The following FAM3B variants were observed in gnomAD, a reference collection of about 807,000 sequenced individuals.
The protein encoded by FAM3B is protein FAM3B.
In FAM3B, 29 loss-of-function variants were observed where a neutral mutation model predicts 28.4. The ratio of observed to expected loss-of-function variants is 1.02; its 90% CI spans 0.76 to 1.39. FAM3B has a LOEUF of 1.39. Ranked by LOEUF, FAM3B falls within the 40% of genes most tolerant of loss-of-function variation. FAM3B has a pLI of 0.00. For missense variants in FAM3B, 266 were observed against 293.9 expected, an observed-to-expected ratio of 0.91 and a Z score of 0.69; for synonymous variants, 91 against 103.0, an observed-to-expected ratio of 0.88 and a Z score of 0.71.
chr21:41,357,111 A>C lies in FAM3B; in HGVS notation c.622A>C (p.Asn208His). 2 of 1,611,420 alleles carry C rather than the reference A, an allele frequency of 1.2e-6. No homozygotes were observed. Among genetic ancestry groups the C allele is most frequent in the South Asian group, 2.2e-5 (2 of 90,686 alleles). Residue 208 changes from asparagine to histidine, a missense_variant, in exon 8 of 8, where the codon AAC (asparagine) becomes CAC (histidine). Coordinates refer to ENST00000357985, the MANE Select transcript of FAM3B (RefSeq NM_058186.4). ...LPSEIQREKI[N>H]HSDAKNNRYS... The stretch of plus-strand genomic sequence containing the variant: ...AACTCTTCTTTTCTCTACACAGATC[A>C]ACCACTCTGATGCTAAGAACAACAG...
chr21:41,345,911 A>G (rs2089054609), intron 5 of FAM3B, 175 bp downstream of exon 5: 4 of 557,928 alleles, frequency 7.2e-6, no homozygotes, highest in South Asian at 2.0e-5. Context: ...AATTGAATTC[A>G]TAGAACATTT....
upstream of FAM3B, among the ~76,000 whole-genome samples, chr21:41,315,251 A>G (rs1473564433): frequency 6.6e-6 from 1 of 152,160 alleles, no homozygotes; most frequent in Non-Finnish European, 1.5e-5. Context: ...TCATAGAAAA[A>G]GCAGAATGGT....
intron 2 of FAM3B, among the ~76,000 whole-genome samples, chr21:41,337,302 G>T (rs1809807629): frequency 6.6e-6 from 1 of 152,166 alleles, no homozygotes; most frequent in East Asian, 1.9e-4. Context: ...CAGCACTGTG[G>T]GTTCTATGGG....
At position 41,344,352 on chromosome 21, in the gene FAM3B, G is replaced by T. The variant is rs1425958903; in HGVS notation, c.288-124G>T. ...TCTCGGGAGCTGCACCAAGGCGAAT[G>T]CAGACTTTCAAGGAAAAGGTGGGGG... On this transcript the variant is annotated intron_variant, in intron 3 of 7. Transcript: ENST00000357985. 4.8e-6 allele frequency: 4 copies of T among 838,232 alleles called. 1 individual carries two copies. In the South Asian group the frequency reaches 5.9e-5, roughly 12 times the overall value. The allele number at this position is 838,232 out of a possible 1,614,324, so 51.9% of individuals were successfully genotyped here. A position where few individuals can be genotyped will look rare whatever the true frequency, so the allele number is the denominator to read the frequency against.
intron 3 of FAM3B, among the ~76,000 whole-genome samples, chr21:41,342,125 T>C (rs2089012119): frequency 1.3e-5 from 2 of 152,264 alleles, no homozygotes; most frequent in East Asian, 1.9e-4. Context: ...TTTTGTAGGC[T>C]GTGTTAGCCA....
At chr21:41,352,716 A>G (rs2089131868) in intron 7 of FAM3B, among the ~76,000 whole-genome samples, 1 of 151,856 alleles carries the variant, frequency 6.6e-6, no homozygotes, top group Non-Finnish European at 1.5e-5. Flanking sequence ...ATCGCTTGAA[A>G]CCAGAAGGCA....
rs993308543 is a variant in FAM3B, at chr21:41,329,721, C to T, written c.163+6655C>T. ...AGTAGCTGGGATTACAGGTGCTCAC[C>T]ACCTCACCTGGCTAATTTTTGTATT... On this transcript the variant is annotated intron_variant, in intron 2 of 7. Transcript: ENST00000357985. Among the ~76,000 whole-genome samples the T allele has an allele frequency of 2.6e-5, 4 of 152,092 alleles. No homozygotes were observed. In the East Asian group the frequency reaches 5.8e-4, roughly 22 times the overall value.
chr21:41,353,436 C>CA (rs1391549044), intron 7 of FAM3B, among the ~76,000 whole-genome samples: 2 of 152,194 alleles, frequency 1.3e-5, no homozygotes, highest in African/African-American at 4.8e-5. Flanking sequence ...GAGATACTGT[C>CA]ACTCTGGCAT....
intron 2 of FAM3B, among the ~76,000 whole-genome samples, chr21:41,330,015 AGTT>A (rs1232555686): frequency 2.6e-5 from 4 of 152,142 alleles, no homozygotes; most frequent in East Asian, 1.9e-4. Flanking sequence ...TATTAGAGTT[AGTT>A]GTTGTTAATT....
At chr21:41,307,806 A>G (rs1450359262) in intron 1 of FAM3B, among the ~76,000 whole-genome samples, 4 of 152,228 alleles carry the variant, frequency 2.6e-5, no homozygotes, top group Non-Finnish European at 4.4e-5. Context: ...TAGTCACAAT[A>G]GTAACATCAA....
At position 41,347,023 on chromosome 21, in the gene FAM3B, A is replaced by G; in HGVS notation, c.408A>G (p.Gly136=). Residue 136 remains glycine, a synonymous_variant, in exon 6 of 8, where the codon GGA becomes GGG. Transcript: ENST00000357985. The part of the protein sequence containing the change: ...CFDMYEGDNS[G]PMTKFIQSAA... The stretch of plus-strand genomic sequence containing the variant: ...TGCATCCCCCAATAGATAACTCTGG[A>G]CCGATGACAAAGTTTATTCAGAGTG... The G allele has an allele frequency of 6.2e-7, 1 of 1,614,134 alleles. No individual in the cohort carries two copies. The highest frequency in any genetic ancestry group is 1.1e-5 in the South Asian group (1 of 91,088).
intron 3 of FAM3B, among the ~76,000 whole-genome samples, chr21:41,342,639 T>G (rs779282275): frequency 1.3e-5 from 2 of 152,252 alleles, no homozygotes; most frequent in African/African-American, 2.4e-5. Context: ...TTTAGGTTAC[T>G]ATATTATCTT....
chr21:41,316,542 G>C (rs114508070), upstream of FAM3B, among the ~76,000 whole-genome samples: 14 of 152,320 alleles, frequency 9.2e-5, no homozygotes, highest in East Asian at 2.7e-3. Flanking sequence ...AAGTGGCGTC[G>C]TTTCCTCCCT....
At chr21:41,341,045 G>T (rs759430471) in intron 3 of FAM3B, among the ~76,000 whole-genome samples, 2 of 152,062 alleles carry the variant, frequency 1.3e-5, no homozygotes, top group Admixed American at 1.3e-4. Flanking sequence ...CATTATACAC[G>T]TATACACTCA....
upstream of FAM3B, chr21:41,316,706 C>T: frequency 2.1e-6 from 1 of 486,772 alleles, no homozygotes; most frequent in Non-Finnish European, 3.3e-6. Context: ...ACGCCCGCCC[C>T]GCGCACCTGC....
Position 41,326,640 on chromosome 21 carries a change from C to G in FAM3B, c.163+3574C>G, listed in dbSNP as rs758207535. On this transcript the variant is annotated intron_variant, in intron 2 of 7. Coordinates refer to ENST00000357985, the MANE Select transcript of FAM3B (RefSeq NM_058186.4). The surrounding 1 kb of genome is among the most constrained non-coding windows in gnomAD (Gnocchi z 4.0). ...CGTGGGGACCTGCTCGTTCTGCTGC[C>G]GATCCCGTAGGGGAAGTCCCTGGGG... is the stretch of plus-strand genomic sequence containing the variant. 5.9e-5 allele frequency among the ~76,000 whole-genome samples: 9 copies of G among 152,354 alleles called. No individual in the cohort carries two copies. Among genetic ancestry groups the G allele is most frequent in the Middle Eastern group, 6.8e-3 (2 of 294 alleles).
intron 3 of FAM3B, among the ~76,000 whole-genome samples, chr21:41,342,014 C>T (rs899492329): frequency 6.6e-5 from 10 of 152,230 alleles, no homozygotes; most frequent in Admixed American, 3.9e-4. Flanking sequence ...ATCTTTACTT[C>T]ACCTTCATAC....
chr21:41,318,594 T>C (rs1439625654), intron 1 of FAM3B, among the ~76,000 whole-genome samples: 2 of 152,096 alleles, frequency 1.3e-5, no homozygotes, highest in Admixed American at 6.6e-5. Context: ...AGGCAGTGAG[T>C]CCCAAAATAC....
chr21:41,337,791 A>C (rs1212735632), intron 2 of FAM3B, among the ~76,000 whole-genome samples: 1 of 150,568 alleles, frequency 6.6e-6, no homozygotes, highest in Non-Finnish European at 1.5e-5. Context: ...GTTGTGTGTG[A>C]ATGTGTGCTG....
Sources: gnomAD v4.1 joint callset for allele counts (sites outside exome capture counted in the v4.1 genomes callset) on GRCh38, gnomAD v4.1.1 for gene constraint, Gnocchi (gnomAD v3.1) non-coding constraint, MANE v1.5 for transcripts, NCBI Gene and HGNC (gene_info 2026-07-23, HGNC 2026-07-21) for gene names.